NRCAM: variants seen among roughly 807,000 people sequenced by gnomAD.
NRCAM encodes NgCAM-related cell adhesion molecule.
Under a neutral mutation model 156.5 loss-of-function variants are expected in NRCAM, and 83 were observed. The observed-to-expected ratio is 0.53, with a 90% CI of 0.44 to 0.64. The LOEUF is 0.64. Ranked by LOEUF, NRCAM falls within the 30% of genes least tolerant of loss-of-function variation. NRCAM has a pLI of 0.00. For missense variants in NRCAM, 1,417 were observed against 1,597.3 expected, an observed-to-expected ratio of 0.89 and a Z score of 1.92; for synonymous variants, 538 against 563.9, an observed-to-expected ratio of 0.95 and a Z score of 0.65.
intron 2 of NRCAM, among the ~76,000 whole-genome samples, chr7:108,323,394 G>A (rs1474413839): frequency 6.6e-6 from 1 of 152,094 alleles, no homozygotes; most frequent in Non-Finnish European, 1.5e-5. Flanking sequence ...TGACATTGAA[G>A]GCATCCAAGG....
chr7:108,265,597 C>G (rs1324281030), intron 3 of NRCAM, among the ~76,000 whole-genome samples: 1 of 152,204 alleles, frequency 6.6e-6, no homozygotes, highest in Non-Finnish European at 1.5e-5. Context: ...ACTGCTCCAT[C>G]CCTATTATAA....
At chr7:108,346,463 T>C (rs2099355196) in intron 2 of NRCAM, among the ~76,000 whole-genome samples, 1 of 152,206 alleles carries the variant, frequency 6.6e-6, no homozygotes. Context: ...TCATCATGCA[T>C]TACTCCATAT....
intron 1 of NRCAM, among the ~76,000 whole-genome samples, chr7:108,414,351 C>T (rs1798928275): frequency 6.6e-6 from 1 of 152,124 alleles, no homozygotes; most frequent in Non-Finnish European, 1.5e-5. Flanking sequence ...TGTCTGGCTT[C>T]CCCCGTTCCC....
At chr7:108,312,618 T>C (rs1196639837) in intron 3 of NRCAM, 47 bp downstream of exon 3, 1 of 152,244 alleles carries the variant, frequency 6.6e-6, no homozygotes, top group African/African-American at 2.4e-5. Context: ...ATTATAATTC[T>C]CATCTTTAAC....
At chr7:108,400,595 T>C (rs1207088791) in intron 1 of NRCAM, among the ~76,000 whole-genome samples, 1 of 152,204 alleles carries the variant, frequency 6.6e-6, no homozygotes, top group Non-Finnish European at 1.5e-5. Context: ...ATGACCCCTC[T>C]AGCTCTAACA....
At chr7:108,298,655 AAAAAACC>A (rs1328503923) in intron 3 of NRCAM, among the ~76,000 whole-genome samples, 2 of 66,790 alleles carry the variant, frequency 3.0e-5, no homozygotes, top group South Asian at 6.6e-4. Context: ...TCCATCTCAA[AAAAAACC>A]AAAAAAACAA....
At chr7:108,227,927 G>A (rs749332612) in intron 8 of NRCAM, among the ~76,000 whole-genome samples, 50 of 152,268 alleles carry the variant, frequency 3.3e-4, no homozygotes, top group Non-Finnish European at 6.0e-4. Context: ...AAAGAACATC[G>A]GTTCATCATG....
At chr7:108,365,499 C>T (rs936000329) in intron 2 of NRCAM, among the ~76,000 whole-genome samples, 2 of 152,174 alleles carry the variant, frequency 1.3e-5, no homozygotes, top group East Asian at 3.9e-4. Context: ...ATCAACATAT[C>T]CAGCACCTCA....
chr7:108,448,476 T>C (rs529384124), intron 1 of NRCAM, among the ~76,000 whole-genome samples: 14 of 152,370 alleles, frequency 9.2e-5, no homozygotes, highest in Non-Finnish European at 1.6e-4. Flanking sequence ...CAAAATTTGG[T>C]GATGTTTCAA....
intron 28 of NRCAM, among the ~76,000 whole-genome samples, chr7:108,171,381 G>A (rs1016867305): frequency 1.3e-5 from 2 of 152,120 alleles, no homozygotes; most frequent in East Asian, 1.9e-4. Flanking sequence ...ATCTGGCCCC[G>A]CCCACTGCTC....
chr7:108,383,639 A>G (rs981866306), intron 2 of NRCAM, among the ~76,000 whole-genome samples: 2 of 152,354 alleles, frequency 1.3e-5, no homozygotes, highest in Middle Eastern at 6.8e-3. Context: ...AGATTGAGAA[A>G]TTTGAATAAA....
At chr7:108,238,555 G>A (rs556576935) in intron 4 of NRCAM, among the ~76,000 whole-genome samples, 2 of 152,228 alleles carry the variant, frequency 1.3e-5, no homozygotes, top group African/African-American at 4.8e-5. Flanking sequence ...CCTCTTCTCC[G>A]TTAGCAGTGA....
rs59348241 is a variant in NRCAM, at chr7:108,244,769, T to C, written c.-106-4599A>G. Among the ~76,000 whole-genome samples, 873 of 152,322 alleles carry C rather than the reference T, an allele frequency of 5.7e-3. 8 individuals carry two copies. The highest frequency in any genetic ancestry group is 0.02 in the African/African-American group (850 of 41,564). On this transcript the variant is annotated intron_variant, in intron 3 of 32. Transcript: ENST00000379028. Reference sequence around the variant, plus strand: ...CACAGTAGAGGCTCTACCAGGAATGTAGTAACTAGAACCTGGACTAGTACC... The same window carrying C: ...CACAGTAGAGGCTCTACCAGGAATGCAGTAACTAGAACCTGGACTAGTACC...
intron 2 of NRCAM, among the ~76,000 whole-genome samples, chr7:108,359,372 C>T (rs1390643565): frequency 1.3e-5 from 2 of 152,138 alleles, no homozygotes; most frequent in African/African-American, 2.4e-5. Flanking sequence ...ATAAAAGAAA[C>T]ACAAAAGCTA....
At chr7:108,220,688 A>C (rs1482616939) in intron 11 of NRCAM, among the ~76,000 whole-genome samples, 4 of 152,214 alleles carry the variant, frequency 2.6e-5, no homozygotes, top group African/African-American at 9.6e-5. Flanking sequence ...ACCTTATATA[A>C]AAACCAACTC....
At chr7:108,188,199 A>G (rs73199534) in intron 20 of NRCAM, among the ~76,000 whole-genome samples, 1 of 152,248 alleles carries the variant, frequency 6.6e-6, no homozygotes, top group Non-Finnish European at 1.5e-5. Flanking sequence ...ACACAGGAGG[A>G]GTTCTGCATT....
At chr7:108,305,064 C>G (rs192642693) in intron 3 of NRCAM, among the ~76,000 whole-genome samples, 1 of 152,230 alleles carries the variant, frequency 6.6e-6, no homozygotes, top group Admixed American at 6.5e-5. Context: ...CAACAACCAT[C>G]AATGAGAAGA....
At chr7:108,435,861 G>A (rs1831386728) in intron 1 of NRCAM, among the ~76,000 whole-genome samples, 1 of 152,238 alleles carries the variant, frequency 6.6e-6, no homozygotes, top group African/African-American at 2.4e-5. Flanking sequence ...GGCCAGGGGC[G>A]GTGGCTTACG....
At chr7:108,216,469 G>A (rs1192624282) in intron 11 of NRCAM, among the ~76,000 whole-genome samples, 2 of 152,150 alleles carry the variant, frequency 1.3e-5, no homozygotes, top group Non-Finnish European at 2.9e-5. Context: ...CTCTTGCTAG[G>A]TTGGGGAAGT....
Sources: gnomAD v4.1 joint callset for allele counts (sites outside exome capture counted in the v4.1 genomes callset) on GRCh38, gnomAD v4.1.1 for gene constraint, MANE v1.5 for transcripts, NCBI Gene and HGNC (gene_info 2026-07-23, HGNC 2026-07-21) for gene names.